The following CCDC122 variants were observed in gnomAD, a reference collection of about 807,000 sequenced individuals.
CCDC122 encodes the protein coiled-coil domain-containing protein 122.
CCDC122 carries 38 observed loss-of-function variants against 37.0 expected under a neutral mutation model. The observed-to-expected ratio is 1.03, with a 90% confidence interval of 0.79 to 1.35. The LOEUF (loss-of-function observed/expected upper bound fraction) is 1.35, where lower values mean the gene tolerates loss of function less well. Among genes scored for constraint, CCDC122 ranks in the 40% most tolerant of loss-of-function variants. CCDC122 has a pLI of 0.00. For missense variants in CCDC122, 305 were observed against 310.0 expected (o/e 0.98, Z 0.12); for synonymous variants, 83 against 95.6 (o/e 0.87, Z 0.77).
At position 43,860,021 on chromosome 13, in the gene CCDC122, G is replaced by A; in HGVS notation, c.206C>T (p.Thr69Ile). The A allele has an allele frequency of 6.4e-7, 1 of 1,574,064 alleles. No individual in the cohort carries two copies. The highest frequency in any genetic ancestry group is 8.6e-7 in the Non-Finnish European group (1 of 1,160,802). ...EKEIAAISAE[T>I]KETERQIYQQ... ...ATAAATTTGTCTTTCTGTTTCTTTA[G>A]TTTCTGCAGAGATAGCTGCTATTTC... is the stretch of plus-strand genomic sequence containing the variant. Residue 69 changes from threonine to isoleucine, a missense_variant, in exon 5 of 7, where the codon ACT (threonine) becomes ATT (isoleucine). Transcript: ENST00000444614.
intron 3 of CCDC122, among the ~76,000 whole-genome samples, chr13:43,830,108 T>G (rs1953075409): frequency 6.6e-6 from 1 of 152,062 alleles, no homozygotes; most frequent in Non-Finnish European, 1.5e-5. Flanking sequence ...ACTCCTGACC[T>G]CAGGTGATCC....
chr13:43,827,340 T>C (rs1953049442), intron 3 of CCDC122, among the ~76,000 whole-genome samples: 1 of 152,258 alleles, frequency 6.6e-6, no homozygotes, highest in South Asian at 2.1e-4. Context: ...CATGTTCTTT[T>C]ATAAATCATA....
intron 1 of CCDC122, among the ~76,000 whole-genome samples, chr13:43,878,765 G>A (rs547479516): frequency 8.5e-5 from 13 of 152,274 alleles, no homozygotes; most frequent in Non-Finnish European, 1.6e-4. Flanking sequence ...TTTTAGGGAT[G>A]AGCGCCTTTT....
intron 3 of CCDC122, among the ~76,000 whole-genome samples, chr13:43,828,142 G>T (rs974344990): frequency 2.6e-5 from 4 of 152,118 alleles, no homozygotes; most frequent in Non-Finnish European, 5.9e-5. Flanking sequence ...GGCATTACAT[G>T]CTCAATTTTT....
intron 4 of CCDC122, among the ~76,000 whole-genome samples, chr13:43,865,549 T>C (rs1954250548): frequency 1.3e-5 from 2 of 152,144 alleles, no homozygotes; most frequent in Admixed American, 1.3e-4. Context: ...AACAAAATAA[T>C]TATAACGATA....
rs1337031561 is a variant in CCDC122, at chr13:43,862,973, TTCC to T, written c.157-2906_157-2904del. ...TCTCCTCTGCCTCTTTTCCTCCCTC[TTCC>T]TCTTCATCCTTTTCCCCTTCTTCTC... On this transcript the variant is annotated intron_variant, in intron 4 of 6. Coordinates refer to ENST00000444614, the MANE Select transcript of CCDC122 (RefSeq NM_144974.5). Among the ~76,000 whole-genome samples the T allele has an allele frequency of 1.1e-4, 16 of 152,188 alleles. No homozygotes were observed. In the South Asian group the frequency reaches 2.7e-3, roughly 26 times the overall value.
Position 43,853,409 on chromosome 13 carries a change from G to A in CCDC122, c.672+5372C>T, listed in dbSNP as rs140867393. Among the ~76,000 whole-genome samples the A allele has an allele frequency of 2.2e-3, 341 of 152,220 alleles. 1 individual carries two copies. Among genetic ancestry groups the A allele is most frequent in the Middle Eastern group, 6.8e-3 (2 of 294 alleles). ...AAGAAAAAGAAGGGCATTACATAAT[G>A]GTAAAGGATTCAATTTAACAATAAG... On this transcript the variant is annotated intron_variant, in intron 6 of 6. Coordinates refer to ENST00000444614, the MANE Select transcript of CCDC122 (RefSeq NM_144974.5).
At chr13:43,853,878 C>T (rs950174208) in intron 6 of CCDC122, among the ~76,000 whole-genome samples, 1 of 152,120 alleles carries the variant, frequency 6.6e-6, no homozygotes, top group Non-Finnish European at 1.5e-5. Flanking sequence ...ATTGAATAAC[C>T]TGCTCCTGAA....
intron 4 of CCDC122, 46 bp from the exon 5 acceptor site, chr13:43,860,116 CAT>C (rs922768410): frequency 1.9e-6 from 2 of 1,042,324 alleles, no homozygotes; most frequent in Non-Finnish European, 2.6e-6. Context: ...AAATATTAAA[CAT>C]GAGAGGAAAA....
At chr13:43,844,572 TACTC>T (rs1364857982) in intron 6 of CCDC122, among the ~76,000 whole-genome samples, 2 of 152,242 alleles carry the variant, frequency 1.3e-5, no homozygotes, top group Non-Finnish European at 2.9e-5. Context: ...TTCTATCAAT[TACTC>T]AAAAAAGTTA....
chr13:43,869,668 G>T (rs910756123), intron 2 of CCDC122, among the ~76,000 whole-genome samples, 179 bp from the exon 3 acceptor site: 20 of 151,978 alleles, frequency 1.3e-4, no homozygotes, highest in African/African-American at 4.3e-4. Flanking sequence ...TAACTTCTTT[G>T]ATCTTCAGCC....
At chr13:43,854,030 A>C (rs1478143245) in intron 6 of CCDC122, 1 of 152,198 alleles carries the variant, frequency 6.6e-6, no homozygotes, top group Non-Finnish European at 1.5e-5. Flanking sequence ...CCCACATCAA[A>C]TAGTTAGAAA....
chr13:43,828,016 GATAAA>G (rs1953056010), intron 3 of CCDC122, among the ~76,000 whole-genome samples: 1 of 152,194 alleles, frequency 6.6e-6, no homozygotes, highest in South Asian at 2.1e-4. Context: ...GGTAGAATGG[GATAAA>G]ATGAGGTTGG....
intron 6 of CCDC122, among the ~76,000 whole-genome samples, chr13:43,851,939 A>C (rs1953747794): frequency 6.8e-6 from 1 of 146,192 alleles, no homozygotes; most frequent in African/African-American, 2.5e-5. Flanking sequence ...CAAGATCATC[A>C]AATAGGATAA....
intron 6 of CCDC122, chr13:43,848,981 T>C: frequency 1.0e-6 from 1 of 959,752 alleles, no homozygotes; most frequent in Non-Finnish European, 1.2e-6. Context: ...AGGTTACTCA[T>C]ATTAATGATC....
intron 6 of CCDC122, chr13:43,849,204 G>T (rs147876188): frequency 2.8e-6 from 1 of 356,560 alleles, no homozygotes; most frequent in Non-Finnish European, 3.9e-6. Context: ...TAACAGAGGG[G>T]TCCCTATTAT....
chr13:43,850,839 A>G (rs959343607), intron 6 of CCDC122, among the ~76,000 whole-genome samples: 1 of 152,234 alleles, frequency 6.6e-6, no homozygotes, highest in Non-Finnish European at 1.5e-5. Context: ...GAACTCCAAA[A>G]AGGATATATG....
At chr13:43,839,220 G>C (rs1953266130) in intron 6 of CCDC122, among the ~76,000 whole-genome samples, 1 of 152,068 alleles carries the variant, frequency 6.6e-6, no homozygotes, top group South Asian at 2.1e-4. Flanking sequence ...TCACCACCTG[G>C]TACCCATTAG....
Position 43,859,847 on chromosome 13 carries a change from G to T in CCDC122, c.380C>A (p.Ala127Glu). 2 of 1,606,754 alleles carry T rather than the reference G, an allele frequency of 1.2e-6. No homozygotes were observed. The change falls in exon 5 of 7, where the codon GCA becomes GAA. Residue 127 changes from alanine (A) to glutamate (E), a missense_variant. Transcript: ENST00000444614. ...ATGTGCTTTTATTTTTGCATAATATGCATTATATTTTATCATGTGTTCCTC... is the reference window on the plus strand; with the variant it reads ...ATGTGCTTTTATTTTTGCATAATATTCATTATATTTTATCATGTGTTCCTC... Reference protein sequence around the residue: ...DFEEHMIKYNAYYAKIKAHKN... With the variant: ...DFEEHMIKYNEYYAKIKAHKN...
Sources: allele counts gnomAD v4.1 joint callset (sites outside exome capture counted in the v4.1 genomes callset), GRCh38; gene constraint gnomAD v4.1.1; transcripts MANE v1.5; gene names NCBI Gene and HGNC (gene_info 2026-07-23, HGNC 2026-07-21).